Variants in PRKCG observed in about 807,000 individuals in gnomAD.
PRKCG encodes the protein protein kinase C gamma, also known as protein kinase C gamma type.
In PRKCG, 28 loss-of-function variants were observed where a neutral mutation model predicts 82.0. That is an observed-to-expected ratio of 0.34 (90% CI 0.25 to 0.47). The LOEUF (loss-of-function observed/expected upper bound fraction) is 0.47, where lower values mean the gene tolerates loss of function less well. Among genes scored for constraint, PRKCG ranks in the 20% least tolerant of loss-of-function variants. The pLI is 1.00. For synonymous variants in PRKCG, 383 were observed against 376.6 expected, an observed-to-expected ratio of 1.02 and a Z score of -0.20; for missense variants, 640 against 952.7, an observed-to-expected ratio of 0.67 and a Z score of 4.32.
chr19:53,890,861 C>T (rs988582963), intron 5 of PRKCG, among the ~76,000 whole-genome samples: 1 of 151,660 alleles, frequency 6.6e-6, no homozygotes, highest in Non-Finnish European at 1.5e-5. Context: ...AAGCGATTCT[C>T]CTGCTTCAGC....
intron 14 of PRKCG, among the ~76,000 whole-genome samples, chr19:53,902,750 C>A (rs2068772665): frequency 6.6e-6 from 1 of 151,542 alleles, no homozygotes; most frequent in African/African-American, 2.4e-5. Flanking sequence ...CAAAAATTAG[C>A]CAGGTGTGGT....
At position 53,898,679 on chromosome 19, in the gene PRKCG, T is replaced by G. The variant is rs1390369882; in HGVS notation, c.1281+51T>G. 2.6e-6 allele frequency: 4 copies of G among 1,521,890 alleles called. No homozygotes were observed. In the African/African-American group the frequency reaches 5.6e-5, roughly 21 times the overall value. 94.3% of individuals were successfully genotyped at this position (1,521,890 alleles called of 1,614,324 possible). ...TCCTCCGGGCCCTGCCTTATCCAGTTCTGGACATCTGCGTTGGGATTCTGA... is the reference window on the plus strand; with the variant it reads ...TCCTCCGGGCCCTGCCTTATCCAGTGCTGGACATCTGCGTTGGGATTCTGA... On this transcript the variant is annotated intron_variant, in intron 11 of 17. Transcript: ENST00000263431.
intron 14 of PRKCG, among the ~76,000 whole-genome samples, chr19:53,902,670 C>T (rs922002814): frequency 5.9e-5 from 9 of 151,814 alleles, no homozygotes; most frequent in African/African-American, 1.9e-4. Context: ...GGAGGCAGGC[C>T]AATTGCTTGA....
In PRKCG at chr19:53,883,059, C is replaced by A. The variant is rs2068604706; in HGVS notation, c.171-104C>A. 6.9e-7 allele frequency: 1 copy of A among 1,446,564 alleles called. No homozygotes were observed. Among genetic ancestry groups the A allele is most frequent in the Non-Finnish European group, 9.7e-7 (1 of 1,029,278 alleles). The allele number at this position is 1,446,564 out of a possible 1,614,324, so 89.6% of individuals were successfully genotyped here. A position where few individuals can be genotyped will look rare whatever the true frequency, so the allele number is the denominator to read the frequency against. ...GGTGGCCGGGGCTTGGACACCTGGGCCCTGCGGGAGGAGGGTCAGAGAGCG... is the reference window on the plus strand; with the variant it reads ...GGTGGCCGGGGCTTGGACACCTGGGACCTGCGGGAGGAGGGTCAGAGAGCG... On this transcript the variant is annotated intron_variant, in intron 1 of 17. Coordinates refer to ENST00000263431, the MANE Select transcript of PRKCG (RefSeq NM_002739.5). This position sits in a 1 kb window ranked among gnomAD's most constrained non-coding sequence, Gnocchi z 5.4.
At chr19:53,891,606 C>G (rs1209281575) in intron 5 of PRKCG, 68 bp from the exon 6 acceptor site, 3 of 1,583,358 alleles carry the variant, frequency 1.9e-6, no homozygotes, top group Middle Eastern at 3.3e-4. Context: ...TGATTGCTGA[C>G]TGGAGGAGGG....
At chr19:53,904,877 A>T (rs2068790331) in intron 16 of PRKCG, 135 bp downstream of exon 16, 1 of 755,862 alleles carries the variant, frequency 1.3e-6, no homozygotes, top group East Asian at 2.7e-5. Flanking sequence ...GATATGATGC[A>T]TAGGTTTTGT....
Position 53,892,752 on chromosome 19 carries a change from GCACACACACA to G in PRKCG, c.821+129_821+138del, listed in dbSNP as rs762529486. On this transcript the variant is annotated intron_variant, in intron 7 of 17. Coordinates refer to ENST00000263431, the MANE Select transcript of PRKCG (RefSeq NM_002739.5). The surrounding 1 kb of genome is among the most constrained non-coding windows in gnomAD (Gnocchi z 5.9). ...TCCTTCCCTCTGCCTCCCAGCATGC[GCACACACACA>G]CACACACACACACACACACGCACAC... 3.6e-5 allele frequency: 40 copies of G among 1,097,144 alleles called. No homozygotes were observed. The highest frequency in any genetic ancestry group is 4.9e-4 in the Middle Eastern group (2 of 4,066). 68.0% of individuals were successfully genotyped at this position (1,097,144 alleles called of 1,614,324 possible). A position where few individuals can be genotyped will look rare whatever the true frequency, so the allele number is the denominator to read the frequency against.
chr19:53,886,107 AT>A (rs1330024018), intron 3 of PRKCG, among the ~76,000 whole-genome samples: 1 of 146,050 alleles, frequency 6.8e-6, no homozygotes, highest in African/African-American at 2.5e-5. Context: ...GTTTTGTTTG[AT>A]TTTGGGGTAT....
At position 53,906,447 on chromosome 19, in the gene PRKCG, G is replaced by C. The variant is rs748632675; in HGVS notation, c.1895G>C (p.Arg632Thr). ...LERLEIPPPF[R>T]PRPCGRSGEN... is the part of the protein sequence containing the mutation. ...CGATTGGAGATCCCGCCTCCTTTCA[G>C]ACCCCGCCCGGTCAGTCACCCTCCA... is the stretch of plus-strand genomic sequence containing the variant. Residue 632 changes from arginine to threonine, a missense_variant, in exon 17 of 18, where the codon AGA (arginine) becomes ACA (threonine). Physicochemically the swap from Arg to Thr is moderately conservative, Grantham distance 71 (BLOSUM62 -1). Coordinates refer to ENST00000263431, the MANE Select transcript of PRKCG (RefSeq NM_002739.5). The C allele has an allele frequency of 6.3e-7, 1 of 1,575,172 alleles. No individual in the cohort carries two copies. Among genetic ancestry groups the C allele is most frequent in the Non-Finnish European group, 8.6e-7 (1 of 1,159,786 alleles).
chr19:53,898,608 C>T lies in PRKCG; in HGVS notation c.1261C>T (p.His421Tyr). The T allele has an allele frequency of 1.3e-6, 2 of 1,590,702 alleles. No individual in the cohort carries two copies. Among genetic ancestry groups the T allele is most frequent in the Non-Finnish European group, 1.7e-6 (2 of 1,169,740 alleles). ...CCGGCCCCACTTCCTCACCCAGCTC[C>T]ACTCCACCTTCCAGACCCCGGTAAG... Reference protein sequence around the residue: ...GGRPHFLTQLHSTFQTPDRLY... With the variant: ...GGRPHFLTQLYSTFQTPDRLY... Residue 421 changes from histidine (H) to tyrosine (Y), a missense_variant, in exon 11 of 18, where the codon CAC becomes TAC. Coordinates refer to ENST00000263431, the MANE Select transcript of PRKCG (RefSeq NM_002739.5).
chr19:53,887,618 C>T (rs1157620365), intron 3 of PRKCG, among the ~76,000 whole-genome samples: 1 of 145,628 alleles, frequency 6.9e-6, no homozygotes, highest in African/African-American at 2.5e-5. Context: ...ATCACGAGGT[C>T]AGGAGATCCA....
chr19:53,883,285 GT>G lies in PRKCG; in HGVS notation c.202+92del. The G allele has an allele frequency of 6.6e-7, 1 of 1,508,212 alleles. No homozygotes were observed. Among genetic ancestry groups the G allele is most frequent in the Non-Finnish European group, 9.2e-7 (1 of 1,088,314 alleles). The allele number at this position is 1,508,212 out of a possible 1,614,324, so 93.4% of individuals were successfully genotyped here. On this transcript the variant is annotated intron_variant, in intron 2 of 17. Coordinates refer to ENST00000263431, the MANE Select transcript of PRKCG (RefSeq NM_002739.5). The surrounding 1 kb of genome is among the most constrained non-coding windows in gnomAD (Gnocchi z 5.4). ...GGCTGCTTGACACACGTGTTCTCTGGTCCCCAGAGAGGCGCGGGGGAGCCCG... is the reference window on the plus strand; with the variant it reads ...GGCTGCTTGACACACGTGTTCTCTGGCCCCAGAGAGGCGCGGGGGAGCCCG...
At chr19:53,891,630 C>A in intron 5 of PRKCG, 44 bp from the exon 6 acceptor site, 1 of 1,609,560 alleles carries the variant, frequency 6.2e-7, no homozygotes, top group Non-Finnish European at 8.5e-7. Flanking sequence ...GGAGCCCCTT[C>A]CTGGATCTCT....
Position 53,889,625 on chromosome 19 carries a change from T to C in PRKCG, c.286-13T>C. On this transcript the variant is annotated splice_polypyrimidine_tract_variant and intron_variant, in intron 3 of 17. Transcript: ENST00000263431. The surrounding 1 kb of genome is among the most constrained non-coding windows in gnomAD (Gnocchi z 4.4). ...CTCCCAACGCCCCCTAAGCCAGTCT[T>C]CTCTGCCCCCAGGACCCCCGGAACA... 1 of 1,612,354 alleles carries C rather than the reference T, an allele frequency of 6.2e-7. No homozygotes were observed. The highest frequency in any genetic ancestry group is 8.5e-7 in the Non-Finnish European group (1 of 1,178,574).
intron 16 of PRKCG, 135 bp from the exon 17 acceptor site, chr19:53,906,182 T>C: frequency 8.8e-7 from 1 of 1,138,246 alleles, no homozygotes; most frequent in East Asian, 2.6e-5. Context: ...TTCCCCTGGC[T>C]GTTCTTATCT....
intron 5 of PRKCG, among the ~76,000 whole-genome samples, chr19:53,890,658 T>G (rs1481019549): frequency 6.6e-6 from 1 of 151,400 alleles, no homozygotes; most frequent in African/African-American, 2.4e-5. Flanking sequence ...CTTGGCTCAC[T>G]GCAATCTCTG....
intron 14 of PRKCG, among the ~76,000 whole-genome samples, chr19:53,902,330 C>T (rs1464075885): frequency 6.6e-6 from 1 of 152,170 alleles, no homozygotes; most frequent in African/African-American, 2.4e-5. Context: ...AGGAGAATCA[C>T]TTGAACCCAG....
At position 53,907,246 on chromosome 19, in the gene PRKCG, C is replaced by G; in HGVS notation, c.*351C>G. 1 of 384,860 alleles carries G rather than the reference C, an allele frequency of 2.6e-6. No individual in the cohort carries two copies. Among genetic ancestry groups the G allele is most frequent in the Non-Finnish European group, 4.9e-6 (1 of 205,400 alleles). The allele number at this position is 384,860 out of a possible 1,614,324, so 23.8% of individuals were successfully genotyped here. ...GTAGTTCTGTGCCTCCCCCCAGACC[C>G]CGCCCCTGGGGAAATAGCCTCACGG... On this transcript the variant is annotated 3_prime_UTR_variant, in exon 18 of 18. Transcript: ENST00000263431.
chr19:53,882,311 C>T lies in PRKCG; in HGVS notation c.-184C>T. ...ACTCGCCCGCTCCCCCTGGCGGAGC[C>T]GGCGCGCCCGGGGTGCCGCTCCCTG... On this transcript the variant is annotated 5_prime_UTR_variant, in exon 1 of 18. Coordinates refer to ENST00000263431, the MANE Select transcript of PRKCG (RefSeq NM_002739.5). This position sits in a 1 kb window ranked among gnomAD's most constrained non-coding sequence, Gnocchi z 6.1. The T allele has an allele frequency of 2.4e-6, 2 of 846,992 alleles. No individual in the cohort carries two copies. The highest frequency in any genetic ancestry group is 3.6e-6 in the Non-Finnish European group (2 of 550,368). The allele number at this position is 846,992 out of a possible 1,614,324, so 52.5% of individuals were successfully genotyped here.
Sources: allele counts gnomAD v4.1 joint callset (sites outside exome capture counted in the v4.1 genomes callset), GRCh38; gene constraint gnomAD v4.1.1; non-coding constraint Gnocchi (gnomAD v3.1); transcripts MANE v1.5; gene names NCBI Gene and HGNC (gene_info 2026-07-23, HGNC 2026-07-21).